The following GLMN variants were observed in gnomAD, a reference collection of about 807,000 sequenced individuals.
GLMN encodes glomulin, FKBP associated protein.
GLMN carries 75 observed loss-of-function variants against 87.8 expected under a neutral mutation model. The ratio of observed to expected loss-of-function variants is 0.85; its 90% confidence interval spans 0.71 to 1.04. The LOEUF (loss-of-function observed/expected upper bound fraction) is 1.04, where lower values mean the gene tolerates loss of function less well. Among genes scored for constraint, GLMN ranks in the 50% least tolerant of loss-of-function variants. The pLI, the probability that GLMN is intolerant of heterozygous loss-of-function variation, is 0.00. For synonymous variants in GLMN, 206 were observed against 221.6 expected (o/e 0.93, Z 0.63); for missense variants, 588 against 658.8 (o/e 0.89, Z 1.18).
intron 3 of GLMN, among the ~76,000 whole-genome samples, chr1:92,294,163 A>G (rs1420097548): frequency 2.6e-5 from 4 of 152,192 alleles, no homozygotes; most frequent in African/African-American, 9.7e-5. Context: ...CCCATTCTCT[A>G]TGATATTCTT....
rs1187627716 is a variant in GLMN, at chr1:92,288,861, T to C, written c.632+53A>G. 14 of 885,734 alleles carry C rather than the reference T, an allele frequency of 1.6e-5. No homozygotes were observed. The African/African-American group carries it at 2.1e-4, about 13-fold the overall frequency. The allele number at this position is 885,734 out of a possible 1,614,324, so 54.9% of individuals were successfully genotyped here. A position where few individuals can be genotyped will look rare whatever the true frequency, so the allele number is the denominator to read the frequency against. ...ACAAAGTGAAGAAACATAAAATAAC[T>C]GAACTATCAATTACTTAAGTCCACT... On this transcript the variant is annotated intron_variant, in intron 6 of 18. Coordinates refer to ENST00000370360, the MANE Select transcript of GLMN (RefSeq NM_053274.3).
At chr1:92,330,538 C>T in the GLMN span, among the ~76,000 whole-genome samples, 1 of 148,102 alleles carries the variant, frequency 6.8e-6, no homozygotes. Flanking sequence ...AACTCCACCT[C>T]CTGGGTTCGA....
the GLMN span, among the ~76,000 whole-genome samples, chr1:92,368,120 G>A: frequency 6.6e-6 from 1 of 152,082 alleles, no homozygotes; most frequent in African/African-American, 2.4e-5. Flanking sequence ...AATGGGGAAG[G>A]CCACTTAAAA....
At chr1:92,297,281 A>G (rs1650202228) in intron 3 of GLMN, 123 bp downstream of exon 3, 1 of 1,314,094 alleles carries the variant, frequency 7.6e-7, no homozygotes, top group Non-Finnish European at 1.1e-6. Flanking sequence ...TTTTGTTTTC[A>G]GTTCCCTACT....
the GLMN span, chr1:92,320,611 T>C: frequency 6.2e-7 from 1 of 1,611,494 alleles, no homozygotes; most frequent in Non-Finnish European, 8.5e-7. Context: ...ATCCTGATTT[T>C]CAACTGCTAA....
At chr1:92,312,814 T>C in the GLMN span, among the ~76,000 whole-genome samples, 21 of 152,076 alleles carry the variant, frequency 1.4e-4, no homozygotes, top group Admixed American at 8.5e-4. Flanking sequence ...AATGTTCTTT[T>C]TTTTTTTTTC....
At chr1:92,341,143 G>A in the GLMN span, among the ~76,000 whole-genome samples, 1 of 151,892 alleles carries the variant, frequency 6.6e-6, no homozygotes, top group Non-Finnish European at 1.5e-5. Flanking sequence ...TGAGTAGCTG[G>A]GACTACAGAC....
At chr1:92,362,614 CACTTCAGAA>C in the GLMN span, among the ~76,000 whole-genome samples, 2 of 152,276 alleles carry the variant, frequency 1.3e-5, no homozygotes, top group South Asian at 4.1e-4. Flanking sequence ...GCAGCAAAAG[CACTTCAGAA>C]ACTGCTCAAA....
chr1:92,294,728 G>T (rs764885403), intron 3 of GLMN, among the ~76,000 whole-genome samples: 1 of 152,008 alleles, frequency 6.6e-6, no homozygotes, highest in Non-Finnish European at 1.5e-5. Flanking sequence ...TCCCAGGCTG[G>T]AGTGCAGTGG....
chr1:92,268,531 T>G lies in GLMN; in HGVS notation c.978-396A>C, dbSNP rs111585878. ...CTGCAGTTTGGAAATCTCAAGAATT[T>G]AGGACTTAGATTCAAAACAATACAT... On this transcript the variant is annotated intron_variant, in intron 9 of 18. Coordinates refer to ENST00000370360, the MANE Select transcript of GLMN (RefSeq NM_053274.3). Among the ~76,000 whole-genome samples, 210 of 152,376 alleles carry G rather than the reference T, an allele frequency of 1.4e-3. 3 individuals carry two copies. The highest frequency in any genetic ancestry group is 3.4e-3 in the Middle Eastern group (1 of 294).
chr1:92,319,893 G>C, the GLMN span, among the ~76,000 whole-genome samples: 1 of 151,908 alleles, frequency 6.6e-6, no homozygotes, highest in African/African-American at 2.4e-5. Flanking sequence ...AACTACTTGA[G>C]AGGCTGAGGC....
the GLMN span, among the ~76,000 whole-genome samples, chr1:92,354,776 T>G: frequency 6.6e-6 from 1 of 152,002 alleles, no homozygotes; most frequent in South Asian, 2.1e-4. Context: ...CTACTTTTTT[T>G]GTTTCTCTTG....
intron 1 of GLMN, among the ~76,000 whole-genome samples, chr1:92,298,282 T>A (rs966204262): frequency 1.3e-5 from 2 of 151,926 alleles, no homozygotes; most frequent in African/African-American, 4.8e-5. Flanking sequence ...ATGTTTTAAG[T>A]TTTCTAGGAG....
the GLMN span, among the ~76,000 whole-genome samples, chr1:92,330,619 G>T: frequency 4.6e-5 from 7 of 151,470 alleles, no homozygotes; most frequent in Non-Finnish European, 1.0e-4. Context: ...CCTAACTTTT[G>T]TATTTTTAGT....
At chr1:92,361,809 T>G in the GLMN span, among the ~76,000 whole-genome samples, 4 of 152,036 alleles carry the variant, frequency 2.6e-5, no homozygotes, top group Non-Finnish European at 4.4e-5. Flanking sequence ...ATTCAAAACT[T>G]TATTCCAAAT....
chr1:92,263,100 A>G (rs1282543294), intron 15 of GLMN, among the ~76,000 whole-genome samples, 174 bp from the exon 16 acceptor site: 1 of 152,232 alleles, frequency 6.6e-6, no homozygotes, highest in Non-Finnish European at 1.5e-5. Flanking sequence ...TGTTTAAATC[A>G]TACAATTGTG....
rs115051614 is a variant in GLMN at position 92,264,729 on chromosome 1, T to C, written c.1215-91A>G. 4.3e-3 allele frequency: 3,297 copies of C among 763,862 alleles called. 16 individuals are homozygous for C. Among genetic ancestry groups the C allele is most frequent in the Non-Finnish European group, 6.1e-3 (2,596 of 423,036 alleles). The allele number at this position is 763,862 out of a possible 1,614,324, so 47.3% of individuals were successfully genotyped here. A position where few individuals can be genotyped will look rare whatever the true frequency, so the allele number is the denominator to read the frequency against. On this transcript the variant is annotated intron_variant, in intron 13 of 18. Transcript: ENST00000370360. ...AAGTTTTACAAATTCAAAGAGGCCA[T>C]GTGTTACTTCTAGGAATAAAAACCC...
At chr1:92,361,114 C>A in the GLMN span, among the ~76,000 whole-genome samples, 1 of 62,160 alleles carries the variant, frequency 1.6e-5, no homozygotes, top group Non-Finnish European at 3.1e-5. Context: ...CACACACACA[C>A]ACATATATAT....
chr1:92,259,240 TAATA>T (rs754027009), intron 16 of GLMN, among the ~76,000 whole-genome samples: 2 of 152,300 alleles, frequency 1.3e-5, no homozygotes, highest in South Asian at 4.1e-4. Context: ...TCGAAACAAC[TAATA>T]ATTATTTAAA....
Sources: gnomAD v4.1 joint callset for allele counts (sites outside exome capture counted in the v4.1 genomes callset) on GRCh38, gnomAD v4.1.1 for gene constraint, MANE v1.5 for transcripts, NCBI Gene and HGNC (gene_info 2026-07-23, HGNC 2026-07-21) for gene names.